The following ANGPT1 variants were observed in gnomAD, a reference collection of about 807,000 sequenced individuals.
ANGPT1 encodes the protein angiopoietin-1.
A neutral mutation model predicts 62.2 loss-of-function variants in ANGPT1; 17 were observed. The ratio of observed to expected loss-of-function variants is 0.27; its 90% CI spans 0.19 to 0.41. ANGPT1 has a LOEUF of 0.41. Among genes scored for constraint, ANGPT1 ranks in the 10% least tolerant of loss-of-function variants. The pLI, the probability that ANGPT1 is intolerant of heterozygous loss-of-function variation, is 1.00. For missense variants in ANGPT1, 478 were observed against 594.9 expected (o/e 0.80, Z 2.04); for synonymous variants, 199 against 198.9 (o/e 1.00, Z 0.00).
chr8:107,259,160 C>G (rs1258283279), intron 8 of ANGPT1, among the ~76,000 whole-genome samples: 1 of 152,142 alleles, frequency 6.6e-6, no homozygotes, highest in African/African-American at 2.4e-5. Context: ...TCATATGGAT[C>G]TTCTTTTCTC....
chr8:107,460,799 A>G (rs921411497), intron 1 of ANGPT1, among the ~76,000 whole-genome samples: 4 of 152,192 alleles, frequency 2.6e-5, no homozygotes, highest in African/African-American at 4.8e-5. Flanking sequence ...TTAAATCCTA[A>G]CAGACATAAT....
rs538638279 is a variant in ANGPT1 at position 107,494,126 on chromosome 8, C to CA, written c.297+3135dup. On this transcript the variant is annotated intron_variant, in intron 1 of 8. Transcript: ENST00000517746. ...TGACTCAATTTATTTAAACTTTTAA[C>CA]AAAAAAAGACATCATTTGGCAAAAG... is the stretch of plus-strand genomic sequence containing the variant. Among the ~76,000 whole-genome samples, 110 of 152,076 alleles carry CA rather than the reference C, an allele frequency of 7.2e-4. 7 individuals are homozygous for CA. Among genetic ancestry groups the CA allele is most frequent in the African/African-American group, 2.5e-3 (104 of 41,516 alleles).
At chr8:107,306,680 T>C (rs1400189884) in intron 4 of ANGPT1, among the ~76,000 whole-genome samples, 1 of 152,038 alleles carries the variant, frequency 6.6e-6, no homozygotes, top group African/African-American at 2.4e-5. Flanking sequence ...TTAGGAGGTC[T>C]TGAGCTTCAG....
chr8:107,278,932 T>A (rs937278472), intron 7 of ANGPT1, among the ~76,000 whole-genome samples: 3 of 152,212 alleles, frequency 2.0e-5, no homozygotes, highest in African/African-American at 7.2e-5. Context: ...GTTTTAACCT[T>A]ATTTCCGTAA....
At chr8:107,374,619 G>C (rs1300210058) in intron 1 of ANGPT1, among the ~76,000 whole-genome samples, 1 of 152,160 alleles carries the variant, frequency 6.6e-6, no homozygotes, top group Non-Finnish European at 1.5e-5. Context: ...GACACTTCTG[G>C]ACTATTTCTG....
intron 7 of ANGPT1, among the ~76,000 whole-genome samples, chr8:107,279,798 T>A (rs962040685): frequency 4.6e-5 from 7 of 151,156 alleles, no homozygotes; most frequent in African/African-American, 1.7e-4. Flanking sequence ...GAGCACAAGT[T>A]AAAGATAGTT....
chr8:107,432,204 G>A (rs547729869), intron 1 of ANGPT1, among the ~76,000 whole-genome samples: 1 of 150,442 alleles, frequency 6.6e-6, no homozygotes, highest in Admixed American at 6.6e-5. Context: ...TTCCCCCAAA[G>A]ACATTATAGA....
At chr8:107,477,855 G>A (rs1203774004) in intron 1 of ANGPT1, among the ~76,000 whole-genome samples, 1 of 152,008 alleles carries the variant, frequency 6.6e-6, no homozygotes, top group African/African-American at 2.4e-5. Context: ...TTCTTTCTCT[G>A]TAATTCACCG....
At chr8:107,431,421 T>A (rs1176850954) in intron 1 of ANGPT1, among the ~76,000 whole-genome samples, 1 of 152,160 alleles carries the variant, frequency 6.6e-6, no homozygotes, top group Non-Finnish European at 1.5e-5. Flanking sequence ...TGAGGACAGA[T>A]CCAGAACACA....
intron 1 of ANGPT1, among the ~76,000 whole-genome samples, chr8:107,428,689 T>C (rs1811100577): frequency 2.0e-5 from 3 of 151,776 alleles, no homozygotes; most frequent in Admixed American, 2.0e-4. Context: ...ACAAGAACAA[T>C]CACAGATACC....
chr8:107,487,621 C>T (rs1053572636), intron 1 of ANGPT1, among the ~76,000 whole-genome samples: 1 of 152,006 alleles, frequency 6.6e-6, no homozygotes, highest in African/African-American at 2.4e-5. Flanking sequence ...ACTTGATTGT[C>T]CTCTTTCAGC....
At chr8:107,279,094 C>A (rs1399893143) in intron 7 of ANGPT1, among the ~76,000 whole-genome samples, 1 of 152,138 alleles carries the variant, frequency 6.6e-6, no homozygotes, top group African/African-American at 2.4e-5. Flanking sequence ...CTCAACCCTA[C>A]AATAAATCTG....
At chr8:107,290,200 T>TGTGATGGAAATCTTATGAAGCAAGAG (rs1563552480) in intron 6 of ANGPT1, among the ~76,000 whole-genome samples, 1 of 152,110 alleles carries the variant, frequency 6.6e-6, no homozygotes, top group Non-Finnish European at 1.5e-5. Context: ...TGTAATTACA[T>TGTGATGGAAATCTTATGAAGCAAGAG]GTGATGGAAA....
At chr8:107,344,980 C>T (rs1453765407) in intron 2 of ANGPT1, among the ~76,000 whole-genome samples, 4 of 151,972 alleles carry the variant, frequency 2.6e-5, no homozygotes, top group Non-Finnish European at 5.9e-5. Context: ...ATAAGTAGCA[C>T]GAGGGTATAC....
chr8:107,289,897 T>C (rs1814233821), intron 6 of ANGPT1, among the ~76,000 whole-genome samples: 1 of 152,156 alleles, frequency 6.6e-6, no homozygotes, highest in South Asian at 2.1e-4. Context: ...GTGAAAGTAC[T>C]GCTGATAAGT....
chr8:107,372,175 C>T (rs1037843297), intron 1 of ANGPT1, among the ~76,000 whole-genome samples: 12 of 30,820 alleles, frequency 3.9e-4, no homozygotes, highest in African/African-American at 9.1e-4. Flanking sequence ...TGAGGAAATC[C>T]ATGTGTTATA....
At chr8:107,312,397 T>C (rs1814895747) in intron 4 of ANGPT1, among the ~76,000 whole-genome samples, 1 of 152,216 alleles carries the variant, frequency 6.6e-6, no homozygotes, top group South Asian at 2.1e-4. Context: ...TGCTCTGCTA[T>C]GAGCAGACAA....
chr8:107,363,624 A>T (rs78970791), intron 1 of ANGPT1, among the ~76,000 whole-genome samples: 2 of 152,352 alleles, frequency 1.3e-5, no homozygotes, highest in East Asian at 3.9e-4. Flanking sequence ...TCTGTATCAT[A>T]GTATTGTTTG....
At chr8:107,448,813 G>A (rs1190733300) in intron 1 of ANGPT1, among the ~76,000 whole-genome samples, 8 of 152,166 alleles carry the variant, frequency 5.3e-5, no homozygotes, top group Admixed American at 5.2e-4. Context: ...ACCTAAGTTT[G>A]CACAAACATG....
Sources: gnomAD v4.1 joint callset for allele counts (sites outside exome capture counted in the v4.1 genomes callset) on GRCh38, gnomAD v4.1.1 for gene constraint, MANE v1.5 for transcripts, NCBI Gene and HGNC (gene_info 2026-07-23, HGNC 2026-07-21) for gene names.